Variants in STK32A observed in about 807,000 individuals in gnomAD.
The protein encoded by STK32A is serine/threonine-protein kinase 32A.
A neutral mutation model predicts 53.2 loss-of-function variants in STK32A; 41 were observed. The ratio of observed to expected loss-of-function variants is 0.77; its 90% CI spans 0.60 to 1.00. The LOEUF is 1.00. STK32A is among the 50% of genes least tolerant of loss of function. STK32A has a pLI of 0.00. For synonymous variants in STK32A, 166 were observed against 162.8 expected (o/e 1.02, Z -0.15); for missense variants, 458 against 485.8 (o/e 0.94, Z 0.54).
chr5:147,330,098 G>A (rs752925047), intron 5 of STK32A, among the ~76,000 whole-genome samples: 11 of 152,056 alleles, frequency 7.2e-5, no homozygotes, highest in Non-Finnish European at 1.3e-4. Context: ...TTATCAGCTC[G>A]CAGTTTCTTT....
chr5:147,399,031 T>C, the STK32A span: 90 of 1,592,354 alleles, frequency 5.7e-5, 1 homozygote, highest in African/African-American at 1.0e-3. Context: ...CTGACCAAGT[T>C]CCTTGCATGC....
intron 4 of STK32A, among the ~76,000 whole-genome samples, chr5:147,282,795 A>G (rs1752125183): frequency 6.6e-6 from 1 of 152,198 alleles, no homozygotes; most frequent in African/African-American, 2.4e-5. Flanking sequence ...AATTTATAAA[A>G]CAATTACTAA....
chr5:147,251,225 C>G (rs56167177), intron 2 of STK32A, among the ~76,000 whole-genome samples: 36,920 of 152,044 alleles, frequency 0.24, 4,520 homozygotes, highest in Admixed American at 0.3. Context: ...ATGCTCTGCA[C>G]TTGCTGTCTC....
intron 7 of STK32A, among the ~76,000 whole-genome samples, chr5:147,361,128 G>A (rs114958642): frequency 5.5e-4 from 83 of 152,256 alleles, no homozygotes; most frequent in African/African-American, 2.0e-3. Flanking sequence ...CGTTGTCTGC[G>A]ACTGTTATAG....
the STK32A span, chr5:147,401,747 C>T: frequency 1.2e-5 from 20 of 1,604,534 alleles, no homozygotes; most frequent in Non-Finnish European, 1.7e-5. Flanking sequence ...ATATGCTGCA[C>T]TGGGCCAAGC....
intron 4 of STK32A, among the ~76,000 whole-genome samples, chr5:147,295,036 G>A (rs893456448): frequency 9.2e-5 from 14 of 152,084 alleles, no homozygotes; most frequent in African/African-American, 3.1e-4. Flanking sequence ...TCTTAGGAAC[G>A]CTAATTTACA....
chr5:147,336,693 G>A (rs1022998918), intron 5 of STK32A, among the ~76,000 whole-genome samples: 1 of 152,256 alleles, frequency 6.6e-6, no homozygotes, highest in Non-Finnish European at 1.5e-5. Flanking sequence ...AACCCTGACA[G>A]CCTTTCACTT....
the STK32A span, chr5:147,400,662 G>T: frequency 3.7e-6 from 6 of 1,608,502 alleles, no homozygotes; most frequent in East Asian, 1.3e-4. Flanking sequence ...TTTTGGCTCT[G>T]GCCACCCTCC....
Position 147,386,254 on chromosome 5 carries a change from A to T in STK32A, c.*2271A>T, listed in dbSNP as rs1757639349. The T allele has an allele frequency of 6.6e-6, 1 of 152,100 alleles. No homozygotes were observed. The highest frequency in any genetic ancestry group is 2.1e-4 in the South Asian group (1 of 4,820). The allele number at this position is 152,100 out of a possible 1,614,324, so 9.4% of individuals were successfully genotyped here. A position where few individuals can be genotyped will look rare whatever the true frequency, so the allele number is the denominator to read the frequency against. ...CCCTGACTCGATTTCAGAGAAGGGGATGTGTTGGAAAGAGCAAGAATAAGA... is the reference window on the plus strand; with the variant it reads ...CCCTGACTCGATTTCAGAGAAGGGGTTGTGTTGGAAAGAGCAAGAATAAGA... On this transcript the variant is annotated 3_prime_UTR_variant, in exon 13 of 13. Coordinates refer to ENST00000397936, the MANE Select transcript of STK32A (RefSeq NM_001112724.2).
intron 11 of STK32A, 92 bp from the exon 12 acceptor site, chr5:147,383,349 T>C: frequency 9.7e-7 from 1 of 1,033,484 alleles, no homozygotes; most frequent in Non-Finnish European, 1.5e-6. Context: ...GGGCTATTCA[T>C]TGAATAGACT....
intron 4 of STK32A, among the ~76,000 whole-genome samples, chr5:147,309,591 T>G (rs1047532094): frequency 5.3e-5 from 8 of 152,200 alleles, no homozygotes; most frequent in South Asian, 2.1e-4. Context: ...TGACTAAGTT[T>G]GATGAATTGA....
the STK32A span, chr5:147,393,771 T>C: frequency 3.3e-5 from 16 of 478,592 alleles, no homozygotes; most frequent in Non-Finnish European, 3.8e-5. Context: ...CAGACTCTTT[T>C]ACCTTAGTGG....
At chr5:147,321,252 T>C (rs772255382) in intron 4 of STK32A, among the ~76,000 whole-genome samples, 12 of 152,228 alleles carry the variant, frequency 7.9e-5, no homozygotes, top group Non-Finnish European at 1.5e-4. Flanking sequence ...ATGGTTGAGG[T>C]ACAAGGAAGC....
At chr5:147,351,219 C>A in intron 7 of STK32A, 65 bp downstream of exon 7, 2 of 1,376,964 alleles carry the variant, frequency 1.5e-6, no homozygotes, top group Non-Finnish European at 2.1e-6. Flanking sequence ...CAGGTGGAAT[C>A]ATCTGTGGGG....
intron 2 of STK32A, among the ~76,000 whole-genome samples, chr5:147,252,822 GT>G (rs1441126606): frequency 1.3e-5 from 2 of 152,088 alleles, no homozygotes; most frequent in Non-Finnish European, 2.9e-5. Context: ...TGTTAATTAT[GT>G]TTTTCCTCTC....
Position 147,387,250 on chromosome 5 carries a change from GTCGTCTGCTAATGGCTAACCCAC to G in STK32A, c.*3269_*3291del, listed in dbSNP as rs1299939112. On this transcript the variant is annotated 3_prime_UTR_variant, in exon 13 of 13. Transcript: ENST00000397936. ...TATGCCACAACCCTAATTCCAGGAAGTCGTCTGCTAATGGCTAACCCACTGCCATGGTGGCACTGGTTTTGCCT... is the reference window on the plus strand; with the variant it reads ...TATGCCACAACCCTAATTCCAGGAAGTGCCATGGTGGCACTGGTTTTGCCT... 3 of 152,268 alleles carry G rather than the reference GTCGTCTGCTAATGGCTAACCCAC, an allele frequency of 2.0e-5. No homozygotes were observed. The highest frequency in any genetic ancestry group is 7.2e-5 in the African/African-American group (3 of 41,466). 9.4% of individuals were successfully genotyped at this position (152,268 alleles called of 1,614,324 possible).
intron 4 of STK32A, among the ~76,000 whole-genome samples, chr5:147,314,683 A>G (rs1207101093): frequency 6.6e-6 from 1 of 151,896 alleles, no homozygotes; most frequent in African/African-American, 2.4e-5. Context: ...TAAACATTAG[A>G]GAAATGCAAA....
intron 4 of STK32A, among the ~76,000 whole-genome samples, chr5:147,300,700 G>T (rs552251053): frequency 6.6e-6 from 1 of 152,130 alleles, no homozygotes; most frequent in Non-Finnish European, 1.5e-5. Flanking sequence ...TTCTTTGCAG[G>T]TCCTGGGTTC....
intron 6 of STK32A, among the ~76,000 whole-genome samples, chr5:147,344,248 C>T (rs976428908): frequency 1.3e-5 from 2 of 152,172 alleles, no homozygotes; most frequent in East Asian, 1.9e-4. Flanking sequence ...GCCTGATTTT[C>T]CTGATCCCAC....
Sources: allele counts gnomAD v4.1 joint callset (sites outside exome capture counted in the v4.1 genomes callset), GRCh38; gene constraint gnomAD v4.1.1; transcripts MANE v1.5; gene names NCBI Gene and HGNC (gene_info 2026-07-23, HGNC 2026-07-21).